BOLA3: variants seen among roughly 807,000 people sequenced by gnomAD.
The protein encoded by BOLA3 is bolA-like protein 3.
In BOLA3, 8 loss-of-function variants were observed where a neutral mutation model predicts 14.5. The ratio of observed to expected loss-of-function variants is 0.55; its 90% CI spans 0.32 to 0.99. BOLA3 has a LOEUF of 0.99. BOLA3 is among the 50% of genes least tolerant of loss of function. The probability of loss-of-function intolerance (pLI) is 0.04; values close to 1 mark genes in which losing one functional copy is unlikely to be tolerated. For synonymous variants in BOLA3, 42 were observed against 45.7 expected (o/e 0.92, Z 0.33); for missense variants, 115 against 138.2 (o/e 0.83, Z 0.84).
intron 2 of BOLA3, among the ~76,000 whole-genome samples, chr2:74,144,360 C>T (rs139242359): frequency 2.6e-5 from 4 of 152,222 alleles, no homozygotes; most frequent in Non-Finnish European, 4.4e-5. Context: ...ATAAAATCTA[C>T]TTTCTAAACT....
rs561194157 is a variant in BOLA3, at chr2:74,145,417, C to T, written c.55-114G>A. Reference sequence around the variant, plus strand: ...CCTGCAAGGCAGGCCCCTGAGCCCTCGCCAGCACAGCCATGGGTTATGTCA... The same window carrying T: ...CCTGCAAGGCAGGCCCCTGAGCCCTTGCCAGCACAGCCATGGGTTATGTCA... On this transcript the variant is annotated intron_variant, in intron 1 of 3. Transcript: ENST00000327428. The T allele has an allele frequency of 8.9e-5, 66 of 745,548 alleles. 1 individual carries two copies. The highest frequency in any genetic ancestry group is 7.8e-4 in the South Asian group (56 of 71,676). The allele number at this position is 745,548 out of a possible 1,614,324, so 46.2% of individuals were successfully genotyped here. A position where few individuals can be genotyped will look rare whatever the true frequency, so the allele number is the denominator to read the frequency against.
At chr2:74,147,444 C>T (rs564891481) in intron 1 of BOLA3, 59 of 304,394 alleles carry the variant, frequency 1.9e-4, no homozygotes, top group Non-Finnish European at 3.4e-4. Flanking sequence ...CCCAAGGCCC[C>T]GGCCCCGCTG....
Position 74,135,442 on chromosome 2 carries a change from A to G in BOLA3, c.*151T>C, listed in dbSNP as rs957222446. On this transcript the variant is annotated 3_prime_UTR_variant, in exon 4 of 4. Coordinates refer to ENST00000327428, the MANE Select transcript of BOLA3 (RefSeq NM_212552.3). The stretch of plus-strand genomic sequence containing the variant: ...CAGTTGTTTGTTTCCTTTAATTAAC[A>G]TCTAAATAGATTATACATCTTCTAT... 1 of 1,231,046 alleles carries G rather than the reference A, an allele frequency of 8.1e-7. No homozygotes were observed. Among genetic ancestry groups the G allele is most frequent in the African/African-American group, 1.5e-5 (1 of 66,136 alleles). 76.3% of individuals were successfully genotyped at this position (1,231,046 alleles called of 1,614,324 possible).
At chr2:74,143,835 T>C (rs183736706) in intron 2 of BOLA3, among the ~76,000 whole-genome samples, 116 of 149,972 alleles carry the variant, frequency 7.7e-4, no homozygotes, top group African/African-American at 2.1e-3. Context: ...TACAGGTGCC[T>C]GCTACCATGC....
chr2:74,142,373 T>C lies in BOLA3; in HGVS notation c.170-13A>G, dbSNP rs904534796. Reference sequence around the variant, plus strand: ...GCCCCACAACCTCCTAAAATAAACATGATTCAAAAGCATTTCAATTATTAA... The same window carrying C: ...GCCCCACAACCTCCTAAAATAAACACGATTCAAAAGCATTTCAATTATTAA... On this transcript the variant is annotated splice_polypyrimidine_tract_variant and intron_variant, in intron 2 of 3. Coordinates refer to ENST00000327428, the MANE Select transcript of BOLA3 (RefSeq NM_212552.3). The C allele has an allele frequency of 6.3e-6, 10 of 1,595,202 alleles. No homozygotes were observed. The highest frequency in any genetic ancestry group is 8.6e-6 in the Non-Finnish European group (10 of 1,163,524).
chr2:74,137,563 C>A lies in BOLA3; in HGVS notation c.259-1905G>T, dbSNP rs114626122. Among the ~76,000 whole-genome samples the A allele has an allele frequency of 3.4e-3, 513 of 152,024 alleles. 2 individuals are homozygous for A. Among genetic ancestry groups the A allele is most frequent in the African/African-American group, 0.012 (478 of 41,354 alleles). On this transcript the variant is annotated intron_variant, in intron 3 of 3. Transcript: ENST00000327428. ...AGGTTTATAGATCCTTAGACACAAT[C>A]TAGTCCCATCCCCTTATTTAATTAA... is the stretch of plus-strand genomic sequence containing the variant.
chr2:74,145,352 C>T (rs201923274), intron 1 of BOLA3, 49 bp from the exon 2 acceptor site: 5 of 1,175,434 alleles, frequency 4.3e-6, no homozygotes, highest in South Asian at 1.2e-5. Context: ...ATGCTGTTGC[C>T]CCTGAGCTGG....
At chr2:74,144,700 C>T (rs925136049) in intron 2 of BOLA3, among the ~76,000 whole-genome samples, 29 of 152,300 alleles carry the variant, frequency 1.9e-4, no homozygotes, top group Non-Finnish European at 2.8e-4. Context: ...CCCTGAGTCC[C>T]GGTTCTGGTT....
chr2:74,140,028 A>G (rs1339769723), intron 3 of BOLA3, among the ~76,000 whole-genome samples: 1 of 152,210 alleles, frequency 6.6e-6, no homozygotes, highest in Non-Finnish European at 1.5e-5. Context: ...TCATGCCTGT[A>G]ATCCCAGCAC....
Position 74,135,471 on chromosome 2 carries a change from T to C in BOLA3, c.*122A>G, listed in dbSNP as rs1274402283. ...AAATAGATTATACATCTTCTATAAT[T>C]ATAATATGGAAATGTATATGAGCAA... On this transcript the variant is annotated 3_prime_UTR_variant, in exon 4 of 4. Transcript: ENST00000327428. 1 of 1,394,266 alleles carries C rather than the reference T, an allele frequency of 7.2e-7. No individual in the cohort carries two copies. The highest frequency in any genetic ancestry group is 1.0e-6 in the Non-Finnish European group (1 of 985,494). The allele number at this position is 1,394,266 out of a possible 1,614,324, so 86.4% of individuals were successfully genotyped here.
intron 2 of BOLA3, among the ~76,000 whole-genome samples, chr2:74,142,773 T>C (rs1692469637): frequency 6.6e-6 from 1 of 152,226 alleles, no homozygotes; most frequent in African/African-American, 2.4e-5. Context: ...AAAAATACAC[T>C]ACAATTTGGT....
At chr2:74,136,009 G>A (rs912631655) in intron 3 of BOLA3, among the ~76,000 whole-genome samples, 1 of 150,842 alleles carries the variant, frequency 6.6e-6, no homozygotes, top group Non-Finnish European at 1.5e-5. Context: ...GAGTGCAGTG[G>A]CGCGATATCG....
chr2:74,140,965 A>T (rs1442548932), intron 3 of BOLA3, among the ~76,000 whole-genome samples: 1 of 152,206 alleles, frequency 6.6e-6, no homozygotes, highest in Non-Finnish European at 1.5e-5. Context: ...ACCACTTGTA[A>T]CTGTGGTTTC....
At chr2:74,137,635 G>A (rs1157766887) in intron 3 of BOLA3, among the ~76,000 whole-genome samples, 1 of 151,812 alleles carries the variant, frequency 6.6e-6, no homozygotes, top group African/African-American at 2.4e-5. Flanking sequence ...GCAAACAAGC[G>A]AGTAATGGAA....
intron 2 of BOLA3, among the ~76,000 whole-genome samples, chr2:74,144,150 C>T (rs945201970): frequency 2.7e-5 from 4 of 150,888 alleles, no homozygotes; most frequent in Non-Finnish European, 4.4e-5. Context: ...GGACTACAGG[C>T]GTGTGCCACC....
intron 3 of BOLA3, among the ~76,000 whole-genome samples, chr2:74,140,872 A>C (rs1692425894): frequency 6.6e-6 from 1 of 152,196 alleles, no homozygotes; most frequent in Non-Finnish European, 1.5e-5. Flanking sequence ...GAGGTTGAAA[A>C]ACTTGCTCAA....
At chr2:74,147,108 G>C (rs566408329) in intron 1 of BOLA3, 1 of 152,426 alleles carries the variant, frequency 6.6e-6, no homozygotes, top group African/African-American at 2.4e-5. Context: ...GAGCGTTGCA[G>C]AATCCTTGGG....
At chr2:74,141,717 G>C (rs956253467) in intron 3 of BOLA3, among the ~76,000 whole-genome samples, 10 of 151,980 alleles carry the variant, frequency 6.6e-5, no homozygotes, top group Non-Finnish European at 1.5e-5. Flanking sequence ...CCCAGTGAGG[G>C]GGCAAATTCA....
chr2:74,145,048 G>A lies in BOLA3; in HGVS notation c.169+141C>T, dbSNP rs13406790. On this transcript the variant is annotated intron_variant, in intron 2 of 3. Transcript: ENST00000327428. ...GCCATCCCATGAGGTGGGGGCAGCC[G>A]AGCTCCACCTGTCCAGCAGCAACAC... The A allele has an allele frequency of 0.034, 22,994 of 686,000 alleles. 3,838 individuals are homozygous for A. The African/African-American group carries it at 0.36, about 11-fold the overall frequency. The allele number at this position is 686,000 out of a possible 1,614,324, so 42.5% of individuals were successfully genotyped here.
Sources: allele counts gnomAD v4.1 joint callset (sites outside exome capture counted in the v4.1 genomes callset), GRCh38; gene constraint gnomAD v4.1.1; transcripts MANE v1.5; gene names NCBI Gene and HGNC (gene_info 2026-07-23, HGNC 2026-07-21).